Variants in FTCDNL1 observed in about 807,000 individuals in gnomAD.
FTCDNL1 encodes the protein formiminotransferase cyclodeaminase N-terminal like, also known as formiminotransferase N-terminal subdomain-containing protein.
FTCDNL1 carries 11 observed loss-of-function variants against 5.9 expected under a neutral mutation model. The ratio of observed to expected loss-of-function variants is 1.87; its 90% CI spans 1.18 to 3.10. FTCDNL1 has a LOEUF of 3.10. FTCDNL1 is among the 30% of genes most tolerant of loss of function. The pLI is 0.00. For synonymous variants in FTCDNL1, 58 were observed against 24.8 expected, an observed-to-expected ratio of 2.34 and a Z score of -3.99; for missense variants, 115 against 65.5, an observed-to-expected ratio of 1.76 and a Z score of -2.61.
intron 4 of FTCDNL1, among the ~76,000 whole-genome samples, chr2:199,815,238 T>A (rs944664408): frequency 3.3e-5 from 5 of 152,252 alleles, no homozygotes; most frequent in African/African-American, 1.2e-4. Context: ...GAATTTGGCT[T>A]AAAAGATTTT....
intron 3 of FTCDNL1, among the ~76,000 whole-genome samples, chr2:199,781,716 T>C (rs1699370045): frequency 6.6e-6 from 1 of 152,190 alleles, no homozygotes; most frequent in Non-Finnish European, 1.5e-5. Context: ...AGAATACATA[T>C]TTGGCAGACA....
chr2:199,748,319 A>G, the FTCDNL1 span, among the ~76,000 whole-genome samples: 1 of 152,332 alleles, frequency 6.6e-6, no homozygotes, highest in South Asian at 2.1e-4. Flanking sequence ...TTTTAAACAA[A>G]GCTACTGATT....
chr2:199,665,205 C>T, the FTCDNL1 span, among the ~76,000 whole-genome samples: 2 of 152,190 alleles, frequency 1.3e-5, no homozygotes, highest in Non-Finnish European at 1.5e-5. Flanking sequence ...TCAGTAGTGA[C>T]ATGAGCCCAT....
chr2:199,717,225 A>T, the FTCDNL1 span, among the ~76,000 whole-genome samples: 1 of 152,186 alleles, frequency 6.6e-6, no homozygotes, highest in Non-Finnish European at 1.5e-5. Context: ...TACAGAAGAT[A>T]TTGCCATGTC....
At chr2:199,681,689 G>A in the FTCDNL1 span, among the ~76,000 whole-genome samples, 99,640 of 152,064 alleles carry the variant, frequency 0.66, 36,172 homozygotes, top group South Asian at 0.9. Flanking sequence ...AAGAGTCTCC[G>A]GATATATTTC....
chr2:199,802,754 A>C (rs980211814), intron 3 of FTCDNL1, among the ~76,000 whole-genome samples: 2 of 152,200 alleles, frequency 1.3e-5, no homozygotes, highest in Non-Finnish European at 2.9e-5. Flanking sequence ...TGTGCAGTTC[A>C]TCCTCCACTT....
chr2:199,759,141 G>GTA (rs369553395), downstream of FTCDNL1, among the ~76,000 whole-genome samples: 6,646 of 150,224 alleles, frequency 0.044, 158 homozygotes, highest in Non-Finnish European at 0.058. Context: ...ATTTGTGTGT[G>GTA]TATATATATA....
At chr2:199,807,839 G>A (rs780047211), downstream of FTCDNL1, among the ~76,000 whole-genome samples, 5 of 152,080 alleles carry the variant, frequency 3.3e-5, no homozygotes, top group African/African-American at 4.8e-5. Context: ...ACAGAAATTT[G>A]CCAACATTTT....
At chr2:199,720,350 G>T in the FTCDNL1 span, among the ~76,000 whole-genome samples, 1 of 152,170 alleles carries the variant, frequency 6.6e-6, no homozygotes, top group African/African-American at 2.4e-5. Context: ...GAGCACCACA[G>T]ATTAATATTA....
intron 3 of FTCDNL1, among the ~76,000 whole-genome samples, chr2:199,786,523 C>T (rs1699658481): frequency 6.6e-6 from 1 of 152,066 alleles, no homozygotes; most frequent in Non-Finnish European, 1.5e-5. Context: ...AGGAGTGACA[C>T]AATTACTTCA....
chr2:199,836,809 C>T (rs1228390609), intron 3 of FTCDNL1, among the ~76,000 whole-genome samples: 1 of 152,076 alleles, frequency 6.6e-6, no homozygotes, highest in Admixed American at 6.5e-5. Context: ...AAGTCCATAG[C>T]AGGGTATGGT....
At chr2:199,743,644 C>T in the FTCDNL1 span, among the ~76,000 whole-genome samples, 4 of 151,938 alleles carry the variant, frequency 2.6e-5, no homozygotes, top group Non-Finnish European at 5.9e-5. Flanking sequence ...AACCTATGCA[C>T]GTCCCTTGCC....
chr2:199,758,074 C>T (rs1248264681), downstream of FTCDNL1, among the ~76,000 whole-genome samples: 1 of 152,104 alleles, frequency 6.6e-6, no homozygotes. Flanking sequence ...TTCAGCAAAA[C>T]AGGCACAGGG....
chr2:199,766,006 G>A (rs1385574415), intron 3 of FTCDNL1, among the ~76,000 whole-genome samples: 1 of 152,056 alleles, frequency 6.6e-6, no homozygotes, highest in Non-Finnish European at 1.5e-5. Flanking sequence ...GTGGCAATAA[G>A]TCTTTTCTTA....
chr2:199,710,157 T>C, the FTCDNL1 span, among the ~76,000 whole-genome samples: 1 of 152,180 alleles, frequency 6.6e-6, no homozygotes, highest in Non-Finnish European at 1.5e-5. Context: ...TCTGATACCA[T>C]AAAGAAGTGT....
chr2:199,698,356 A>G, the FTCDNL1 span, among the ~76,000 whole-genome samples: 2 of 152,208 alleles, frequency 1.3e-5, no homozygotes, highest in African/African-American at 4.8e-5. Context: ...CACATGGCAC[A>G]TACTCTAAAA....
the FTCDNL1 span, among the ~76,000 whole-genome samples, chr2:199,669,158 AT>A: frequency 6.6e-6 from 1 of 152,166 alleles, no homozygotes; most frequent in Non-Finnish European, 1.5e-5. Flanking sequence ...CAATATATGA[AT>A]TTATCTTTCA....
the FTCDNL1 span, among the ~76,000 whole-genome samples, chr2:199,718,631 T>G: frequency 6.6e-6 from 1 of 152,206 alleles, no homozygotes; most frequent in African/African-American, 2.4e-5. Flanking sequence ...TCCATATTGT[T>G]TGCTGTAAAG....
At chr2:199,733,606 T>C in the FTCDNL1 span, among the ~76,000 whole-genome samples, 1 of 152,152 alleles carries the variant, frequency 6.6e-6, no homozygotes, top group Non-Finnish European at 1.5e-5. Flanking sequence ...TCAAACCACA[T>C]GACATGGAAT....
Sources: gnomAD v4.1 joint callset for allele counts (sites outside exome capture counted in the v4.1 genomes callset) on GRCh38, gnomAD v4.1.1 for gene constraint, MANE v1.5 for transcripts, NCBI Gene and HGNC (gene_info 2026-07-23, HGNC 2026-07-21) for gene names.